Variants in SCLT1 observed in about 807,000 individuals in gnomAD.
SCLT1 encodes sodium channel-associated protein 1.
In SCLT1, 78 loss-of-function variants were observed where a neutral mutation model predicts 112.8. That is an observed-to-expected ratio of 0.69 (90% CI 0.58 to 0.83). The LOEUF is 0.83. Ranked by LOEUF, SCLT1 falls within the 40% of genes least tolerant of loss-of-function variation. SCLT1 has a pLI of 0.00. For synonymous variants in SCLT1, 257 were observed against 254.7 expected, an observed-to-expected ratio of 1.01 and a Z score of -0.09; for missense variants, 747 against 770.4, an observed-to-expected ratio of 0.97 and a Z score of 0.36.
intron 8 of SCLT1, among the ~76,000 whole-genome samples, chr4:128,994,133 A>G (rs914300584): frequency 6.6e-6 from 1 of 152,032 alleles, no homozygotes; most frequent in Non-Finnish European, 1.5e-5. Flanking sequence ...GAGGTTATTC[A>G]TCTTGTTTGA....
chr4:129,035,828 GATA>G (rs976018195), intron 5 of SCLT1, among the ~76,000 whole-genome samples: 14 of 151,148 alleles, frequency 9.3e-5, no homozygotes, highest in South Asian at 2.1e-4. Context: ...AAGGGAGCAT[GATA>G]ATAATAATAA....
At chr4:128,993,048 AG>A (rs1371716906) in intron 8 of SCLT1, among the ~76,000 whole-genome samples, 1 of 151,972 alleles carries the variant, frequency 6.6e-6, no homozygotes, top group Non-Finnish European at 1.5e-5. Context: ...AAAGTCCCTG[AG>A]ATAGCTTTCA....
chr4:128,963,262 T>C (rs1739894468), intron 11 of SCLT1, among the ~76,000 whole-genome samples: 1 of 152,216 alleles, frequency 6.6e-6, no homozygotes, highest in Admixed American at 6.5e-5. Flanking sequence ...TTAAAAACCC[T>C]ATTTTTAATA....
chr4:128,948,486 T>G lies in SCLT1; in HGVS notation c.1293+10A>C, dbSNP rs755713969. 6.2e-7 allele frequency: 1 copy of G among 1,605,892 alleles called. No individual in the cohort carries two copies. Among genetic ancestry groups the G allele is most frequent in the African/African-American group, 1.3e-5 (1 of 74,700 alleles). ...GGTTTTAGGTAGTTATATTTCCTTT[T>G]TCTTTTTACCTTTTCTAGTTCTTCT... On this transcript the variant is annotated intron_variant, in intron 15 of 20. Transcript: ENST00000281142.
At chr4:128,952,957 A>G in intron 13 of SCLT1, 117 bp from the exon 14 acceptor site, 2 of 641,772 alleles carry the variant, frequency 3.1e-6, no homozygotes, top group African/African-American at 1.8e-5. Flanking sequence ...TTAGGGCATA[A>G]AAGACAAATA....
At chr4:129,079,291 T>A (rs974436594) in intron 2 of SCLT1, among the ~76,000 whole-genome samples, 1 of 152,226 alleles carries the variant, frequency 6.6e-6, no homozygotes, top group African/African-American at 2.4e-5. Flanking sequence ...AAGTCTCATC[T>A]GAGACAAGAC....
At chr4:128,891,227 C>T in intron 18 of SCLT1, 90 bp from the exon 19 acceptor site, 1 of 923,266 alleles carries the variant, frequency 1.1e-6, no homozygotes, top group Non-Finnish European at 1.7e-6. Flanking sequence ...ATGATTTGAA[C>T]AAAAATATCA....
chr4:128,941,110 T>C (rs1737657695), intron 17 of SCLT1, among the ~76,000 whole-genome samples: 2 of 152,094 alleles, frequency 1.3e-5, no homozygotes, highest in Admixed American at 1.3e-4. Flanking sequence ...GATAAAAGCA[T>C]GGGAAAACCT....
chr4:129,073,964 T>TAG (rs1474235493), intron 2 of SCLT1, among the ~76,000 whole-genome samples: 1 of 152,200 alleles, frequency 6.6e-6, no homozygotes, highest in Non-Finnish European at 1.5e-5. Flanking sequence ...CAACCACCTC[T>TAG]AGTTTTGTCT....
chr4:128,976,392 T>C (rs1237599678), intron 9 of SCLT1, among the ~76,000 whole-genome samples: 1 of 152,186 alleles, frequency 6.6e-6, no homozygotes. Flanking sequence ...CATGTAACTT[T>C]GGGTAACACT....
chr4:129,073,260 C>T (rs1013316540), intron 2 of SCLT1, among the ~76,000 whole-genome samples: 1 of 152,130 alleles, frequency 6.6e-6, no homozygotes, highest in Non-Finnish European at 1.5e-5. Context: ...GATTTCCTGA[C>T]TTATTCCTGT....
intron 2 of SCLT1, among the ~76,000 whole-genome samples, chr4:129,065,132 T>C (rs1750363410): frequency 6.6e-6 from 1 of 152,104 alleles, no homozygotes; most frequent in African/African-American, 2.4e-5. Flanking sequence ...TTTTCTTTTG[T>C]ACATTTTGAA....
intron 5 of SCLT1, among the ~76,000 whole-genome samples, chr4:129,035,554 G>T (rs1747106649): frequency 6.6e-6 from 1 of 151,992 alleles, no homozygotes; most frequent in Non-Finnish European, 1.5e-5. Context: ...AAAAAAAACA[G>T]CTCTTGTACT....
rs929089724 is a variant in SCLT1, at chr4:128,894,330, G to A, written c.1830-3193C>T. On this transcript the variant is annotated intron_variant, in intron 18 of 20. Coordinates refer to ENST00000281142, the MANE Select transcript of SCLT1 (RefSeq NM_144643.4). ...TAACCACTGCCCTATACTGCAACATGGCAGGCAAATAATGAAAGTTCATTG... is the reference window on the plus strand; with the variant it reads ...TAACCACTGCCCTATACTGCAACATAGCAGGCAAATAATGAAAGTTCATTG... 3.4e-5 allele frequency among the ~76,000 whole-genome samples: 5 copies of A among 148,864 alleles called. No individual in the cohort carries two copies. The Admixed American group carries it at 3.4e-4, about 10-fold the overall frequency.
At chr4:128,887,469 T>C (rs1168707620) in intron 20 of SCLT1, among the ~76,000 whole-genome samples, 1 of 152,182 alleles carries the variant, frequency 6.6e-6, no homozygotes, top group East Asian at 1.9e-4. Flanking sequence ...CTTTACTATG[T>C]ATAAAATGCT....
At chr4:128,936,520 T>A in intron 18 of SCLT1, 135 bp downstream of exon 18, 1 of 498,038 alleles carries the variant, frequency 2.0e-6, no homozygotes. Flanking sequence ...TATAGTAGTT[T>A]CATAAATATT....
chr4:128,928,554 T>C (rs1411841565), intron 18 of SCLT1, among the ~76,000 whole-genome samples: 1 of 151,832 alleles, frequency 6.6e-6, no homozygotes, highest in Non-Finnish European at 1.5e-5. Context: ...TAAAATTTAA[T>C]ATCTGTAGGC....
chr4:129,020,210 A>G (rs1362297721), intron 5 of SCLT1, among the ~76,000 whole-genome samples: 1 of 152,158 alleles, frequency 6.6e-6, no homozygotes, highest in Non-Finnish European at 1.5e-5. Context: ...CTTCTGACTG[A>G]GCTCAAATTT....
chr4:129,053,494 T>C (rs1412876256), intron 2 of SCLT1, among the ~76,000 whole-genome samples: 1 of 151,588 alleles, frequency 6.6e-6, no homozygotes, highest in Non-Finnish European at 1.5e-5. Context: ...TGCCCTTCTT[T>C]ATCTCTTTTG....
Sources: allele counts gnomAD v4.1 joint callset (sites outside exome capture counted in the v4.1 genomes callset), GRCh38; gene constraint gnomAD v4.1.1; transcripts MANE v1.5; gene names NCBI Gene and HGNC (gene_info 2026-07-23, HGNC 2026-07-21).